TRAM2: variants seen among roughly 807,000 people sequenced by gnomAD.
TRAM2 encodes the protein translocating chain-associated membrane protein 2.
Under a neutral mutation model 51.0 loss-of-function variants are expected in TRAM2, and 12 were observed. The ratio of observed to expected loss-of-function variants is 0.24; its 90% CI spans 0.15 to 0.38. The LOEUF (loss-of-function observed/expected upper bound fraction) is 0.38. Among genes scored for constraint, TRAM2 ranks in the 10% least tolerant of loss-of-function variants. The pLI is 1.00. For synonymous variants in TRAM2, 175 were observed against 179.4 expected (o/e 0.98, Z 0.20); for missense variants, 361 against 462.0 (o/e 0.78, Z 2.00).
intron 4 of TRAM2, among the ~76,000 whole-genome samples, chr6:52,512,690 G>GTC (rs1436563309): frequency 6.6e-6 from 1 of 152,210 alleles, no homozygotes; most frequent in Non-Finnish European, 1.5e-5. Context: ...CCTCAACAAG[G>GTC]TGGAGAGATC....
chr6:52,498,833 G>A lies in TRAM2; in HGVS notation c.*4364C>T, dbSNP rs540563965. The A allele has an allele frequency of 2.6e-4, 40 of 152,688 alleles. No homozygotes were observed. Among genetic ancestry groups the A allele is most frequent in the Non-Finnish European group, 5.1e-4 (35 of 68,050 alleles). The allele number at this position is 152,688 out of a possible 1,614,324, so 9.5% of individuals were successfully genotyped here. ...GCTGCCGTCGAGCCCTGGCAACTGG[G>A]GGCTGGCCACGGAGTACAAGTTGAA... On this transcript the variant is annotated 3_prime_UTR_variant, in exon 11 of 11. Transcript: ENST00000182527.
Position 52,557,656 on chromosome 6 carries a change from A to C in TRAM2, c.120+19140T>G, listed in dbSNP as rs536354368. Among the ~76,000 whole-genome samples the C allele has an allele frequency of 5.3e-5, 8 of 152,324 alleles. 1 individual carries two copies. In the South Asian group the frequency reaches 1.7e-3, roughly 32 times the overall value. ...TCAGGGTGTATGTCCTGATAAGGCA[A>C]CTGAGCCTCAAATCTGCAGCCTATT... On this transcript the variant is annotated intron_variant, in intron 1 of 10. Transcript: ENST00000182527.
At chr6:52,506,992 T>C (rs1329528422) in intron 7 of TRAM2, among the ~76,000 whole-genome samples, 1 of 152,178 alleles carries the variant, frequency 6.6e-6, no homozygotes, top group East Asian at 1.9e-4. Context: ...AAGCCCAAAT[T>C]ATCAATGACA....
chr6:52,543,739 A>G (rs1562484646), intron 1 of TRAM2, among the ~76,000 whole-genome samples: 1 of 152,210 alleles, frequency 6.6e-6, no homozygotes, highest in Non-Finnish European at 1.5e-5. Context: ...CATTCTAATC[A>G]GTATAGATGT....
chr6:52,498,046 T>A lies in TRAM2; in HGVS notation c.*5151A>T, dbSNP rs1056709. On this transcript the variant is annotated 3_prime_UTR_variant, in exon 11 of 11. Coordinates refer to ENST00000182527, the MANE Select transcript of TRAM2 (RefSeq NM_012288.4). ...GTTTTTTCCTCTTCAACACATTTTT[T>A]AAAAATAGACCTCTAAGATGATGCT... The A allele has an allele frequency of 0.27, 41,513 of 152,088 alleles. 6,399 individuals carry two copies. Among genetic ancestry groups the A allele is most frequent in the East Asian group, 0.52 (2,708 of 5,180 alleles). The allele number at this position is 152,088 out of a possible 1,614,324, so 9.4% of individuals were successfully genotyped here.
chr6:52,505,664 T>A lies in TRAM2; in HGVS notation c.810A>T (p.Gly270=). 1.2e-6 allele frequency: 2 copies of A among 1,613,818 alleles called. No individual in the cohort carries two copies. Among genetic ancestry groups the A allele is most frequent in the Non-Finnish European group, 1.7e-6 (2 of 1,179,814 alleles). The change falls in exon 9 of 11, where the codon GGA becomes GGT. Residue 270 remains glycine (G), a synonymous_variant. Coordinates refer to ENST00000182527, the MANE Select transcript of TRAM2 (RefSeq NM_012288.4). ...ATGCCTGGTTTTCCATGCGAGCCAG[T>A]CCAAAGCCAATGGCCAGCACGGCAA... is the stretch of plus-strand genomic sequence containing the variant. ...LTLAVLAIGF[G]LARMENQAFD... is the part of the protein sequence containing the mutation.
intron 1 of TRAM2, among the ~76,000 whole-genome samples, chr6:52,559,458 G>C (rs1767461612): frequency 6.6e-6 from 1 of 152,156 alleles, no homozygotes; most frequent in African/African-American, 2.4e-5. Flanking sequence ...AGCAACGAGA[G>C]TCCTTAGTCT....
chr6:52,506,520 C>G (rs1368289622), intron 7 of TRAM2, among the ~76,000 whole-genome samples: 1 of 152,226 alleles, frequency 6.6e-6, no homozygotes, highest in African/African-American at 2.4e-5. Flanking sequence ...TTCCTGTTGT[C>G]TGACTTTCCA....
intron 1 of TRAM2, among the ~76,000 whole-genome samples, chr6:52,573,386 A>G (rs866555780): frequency 3.3e-5 from 5 of 152,030 alleles, no homozygotes; most frequent in Middle Eastern, 3.4e-3. Flanking sequence ...TGAGTAGAAA[A>G]CTCCCCCTGT....
chr6:52,555,492 AAC>A (rs1284289232), intron 1 of TRAM2, among the ~76,000 whole-genome samples: 1 of 152,210 alleles, frequency 6.6e-6, no homozygotes, highest in Admixed American at 6.5e-5. Context: ...GACAGAGAAA[AAC>A]ACTGGTGCTA....
chr6:52,531,915 C>T (rs1179814434), intron 2 of TRAM2, among the ~76,000 whole-genome samples: 3 of 152,178 alleles, frequency 2.0e-5, no homozygotes, highest in Non-Finnish European at 2.9e-5. Context: ...CATTATTTTA[C>T]ACCCAGACCC....
chr6:52,551,141 G>A (rs1767301478), intron 1 of TRAM2, among the ~76,000 whole-genome samples: 1 of 152,224 alleles, frequency 6.6e-6, no homozygotes, highest in African/African-American at 2.4e-5. Context: ...TGAGGCAGGA[G>A]GAGGTGAATA....
intron 1 of TRAM2, among the ~76,000 whole-genome samples, chr6:52,569,163 G>T (rs1767635838): frequency 6.6e-6 from 1 of 152,154 alleles, no homozygotes; most frequent in South Asian, 2.1e-4. Context: ...GGGAGGCCAA[G>T]GCAGGCAGAT....
In TRAM2 at chr6:52,534,047, T is replaced by C. The variant is rs564258998; in HGVS notation, c.184+1736A>G. ...TTACAGTGAGCCAAGATCGCGCCATTGTACTCTAGCCTGGGCAACAAGAGG... is the reference window on the plus strand; with the variant it reads ...TTACAGTGAGCCAAGATCGCGCCATCGTACTCTAGCCTGGGCAACAAGAGG... On this transcript the variant is annotated intron_variant, in intron 2 of 10. Coordinates refer to ENST00000182527, the MANE Select transcript of TRAM2 (RefSeq NM_012288.4). Among the ~76,000 whole-genome samples, 27 of 148,630 alleles carry C rather than the reference T, an allele frequency of 1.8e-4. No homozygotes were observed. The South Asian group carries it at 5.6e-3, about 31-fold the overall frequency.
At chr6:52,541,325 T>C (rs1004313044) in intron 1 of TRAM2, among the ~76,000 whole-genome samples, 2 of 151,756 alleles carry the variant, frequency 1.3e-5, no homozygotes, top group Admixed American at 6.5e-5. Context: ...ATCCCCACAA[T>C]GACCCTACAA....
chr6:52,511,402 G>C (rs1433566205), intron 4 of TRAM2, among the ~76,000 whole-genome samples: 1 of 152,200 alleles, frequency 6.6e-6, no homozygotes, highest in African/African-American at 2.4e-5. Context: ...AGCCAAGATA[G>C]TTTTTCAGTA....
chr6:52,512,004 A>T (rs576352986), intron 4 of TRAM2, among the ~76,000 whole-genome samples: 1 of 152,040 alleles, frequency 6.6e-6, no homozygotes, highest in Non-Finnish European at 1.5e-5. Flanking sequence ...CACTGCTTCT[A>T]TCACCTCTAC....
In TRAM2 at chr6:52,502,966, T is replaced by A. The variant is rs1206880387; in HGVS notation, c.*231A>T. On this transcript the variant is annotated 3_prime_UTR_variant, in exon 11 of 11. Coordinates refer to ENST00000182527, the MANE Select transcript of TRAM2 (RefSeq NM_012288.4). ...ACAGGAGTGAGGACAGGAGGTGGCC[T>A]GAGGGGGAGAAAGAGAAAGATTTTT... The A allele has an allele frequency of 3.4e-6, 2 of 587,432 alleles. No individual in the cohort carries two copies. The highest frequency in any genetic ancestry group is 3.7e-5 in the African/African-American group (2 of 53,454). 36.4% of individuals were successfully genotyped at this position (587,432 alleles called of 1,614,324 possible).
chr6:52,537,910 C>G (rs914923076), intron 1 of TRAM2, among the ~76,000 whole-genome samples: 2 of 152,194 alleles, frequency 1.3e-5, no homozygotes, highest in African/African-American at 4.8e-5. Context: ...CTGTCCTCTA[C>G]CATCAACGGC....
Sources: allele counts gnomAD v4.1 joint callset (sites outside exome capture counted in the v4.1 genomes callset), GRCh38; gene constraint gnomAD v4.1.1; transcripts MANE v1.5; gene names NCBI Gene and HGNC (gene_info 2026-07-23, HGNC 2026-07-21).